The following METTL25 variants were observed in gnomAD, a reference collection of about 807,000 sequenced individuals.
METTL25 encodes probable methyltransferase-like protein 25.
A neutral mutation model predicts 71.6 loss-of-function variants in METTL25; 64 were observed. The ratio of observed to expected loss-of-function variants is 0.89; its 90% confidence interval spans 0.73 to 1.10. The LOEUF is 1.10. METTL25 is among the 50% of genes least tolerant of loss of function. The probability of loss-of-function intolerance (pLI) is 0.00; values close to 1 mark genes in which losing one functional copy is unlikely to be tolerated. For synonymous variants in METTL25, 287 were observed against 250.3 expected (o/e 1.15, Z -1.38); for missense variants, 807 against 707.0 (o/e 1.14, Z -1.60).
intron 5 of METTL25, among the ~76,000 whole-genome samples, chr12:82,429,376 GT>G (rs60688459): frequency 0.11 from 15,392 of 143,808 alleles, 778 homozygotes; most frequent in African/African-American, 0.16. Flanking sequence ...CAAATGTAGG[GT>G]TTTTTTTTTT....
At position 82,421,761 on chromosome 12, in the gene METTL25, A is replaced by G. The variant is rs144705527; in HGVS notation, c.1280-9132A>G. On this transcript the variant is annotated intron_variant, in intron 5 of 11. Coordinates refer to ENST00000248306, the MANE Select transcript of METTL25 (RefSeq NM_032230.3). ...ATACAAACTACCATCGGAGAATACT[A>G]TAAACACCTCTACTCAAATAAACTA... Among the ~76,000 whole-genome samples, 214 of 152,340 alleles carry G rather than the reference A, an allele frequency of 1.4e-3. 3 individuals are homozygous for G. Among genetic ancestry groups the G allele is most frequent in the Admixed American group, 0.013 (196 of 15,300 alleles).
chr12:82,422,002 A>C (rs924573512), intron 5 of METTL25, among the ~76,000 whole-genome samples: 1 of 152,192 alleles, frequency 6.6e-6, no homozygotes, highest in Non-Finnish European at 1.5e-5. Flanking sequence ...TTCTGAAACT[A>C]TTCCAATCAA....
At chr12:82,459,216 T>C (rs956861411) in intron 9 of METTL25, among the ~76,000 whole-genome samples, 1 of 151,880 alleles carries the variant, frequency 6.6e-6, no homozygotes, top group African/African-American at 2.4e-5. Context: ...CAATAATGAG[T>C]AATATACTAA....
intron 1 of METTL25, among the ~76,000 whole-genome samples, chr12:82,362,856 T>C (rs893453013): frequency 1.3e-5 from 2 of 152,200 alleles, no homozygotes; most frequent in African/African-American, 4.8e-5. Context: ...ATAACAATGA[T>C]GAAAACTGGC....
At chr12:82,397,333 T>C (rs1886169550) in intron 3 of METTL25, among the ~76,000 whole-genome samples, 1 of 152,140 alleles carries the variant, frequency 6.6e-6, no homozygotes. Flanking sequence ...ACTGGGTTAC[T>C]TGTCTTCTTA....
intron 9 of METTL25, among the ~76,000 whole-genome samples, chr12:82,462,340 C>T (rs1447108203): frequency 6.6e-6 from 1 of 152,090 alleles, no homozygotes; most frequent in Non-Finnish European, 1.5e-5. Context: ...TATTCTTTAA[C>T]AAATATTTCC....
At chr12:82,419,772 A>G (rs1300675036) in intron 5 of METTL25, among the ~76,000 whole-genome samples, 2 of 151,746 alleles carry the variant, frequency 1.3e-5, no homozygotes, top group Non-Finnish European at 2.9e-5. Context: ...AGGAATGTAA[A>G]TTGGTGCAGT....
At chr12:82,403,547 T>G (rs1282951918) in intron 5 of METTL25, among the ~76,000 whole-genome samples, 1 of 152,206 alleles carries the variant, frequency 6.6e-6, no homozygotes, top group Non-Finnish European at 1.5e-5. Context: ...ATACTGATAT[T>G]TAAAAAAGAA....
intron 5 of METTL25, among the ~76,000 whole-genome samples, chr12:82,418,701 G>A (rs1018745763): frequency 1.3e-5 from 2 of 152,132 alleles, no homozygotes; most frequent in Admixed American, 1.3e-4. Context: ...AAAAACTTGA[G>A]TTGCTTAATA....
chr12:82,391,752 C>T (rs1360577753), intron 3 of METTL25, among the ~76,000 whole-genome samples: 1 of 147,166 alleles, frequency 6.8e-6, no homozygotes, highest in Non-Finnish European at 1.5e-5. Context: ...GATATATACC[C>T]AGTAGTGGAA....
intron 5 of METTL25, among the ~76,000 whole-genome samples, chr12:82,416,511 A>C (rs1482783368): frequency 6.8e-6 from 1 of 146,188 alleles, no homozygotes; most frequent in Non-Finnish European, 1.5e-5. Flanking sequence ...TATCATGATC[A>C]TGGTTCACTG....
rs558057703 is a variant in METTL25 at position 82,432,284 on chromosome 12, T to C, written c.1374+1297T>C. Among the ~76,000 whole-genome samples the C allele has an allele frequency of 4.0e-5, 6 of 151,808 alleles. No individual in the cohort carries two copies. The South Asian group carries it at 8.3e-4, about 21-fold the overall frequency. On this transcript the variant is annotated intron_variant, in intron 6 of 11. Coordinates refer to ENST00000248306, the MANE Select transcript of METTL25 (RefSeq NM_032230.3). ...TTTATGCTAACATAATAATTTCCTT[T>C]GGTAGCCCCACTTAAATTACTTTTC...
At position 82,399,125 on chromosome 12, in the gene METTL25, A is replaced by C. The variant is rs1336373200; in HGVS notation, c.862A>C (p.Asn288His). ...LPDFSGSVIS[N>H]IRNQMETLHS... is the part of the protein sequence containing the mutation. The stretch of plus-strand genomic sequence containing the variant: ...TGATTTTTCTGGCTCTGTAATTTCT[A>C]ATATCAGAAACCAAATGGAAACCCT... The change falls in exon 4 of 12, where the codon AAT becomes CAT. Residue 288 changes from asparagine to histidine, a missense_variant. Physicochemically the swap from Asn to His is moderately conservative, Grantham distance 68. Coordinates refer to ENST00000248306, the MANE Select transcript of METTL25 (RefSeq NM_032230.3). 6.2e-7 allele frequency: 1 copy of C among 1,613,678 alleles called. No individual in the cohort carries two copies. Among genetic ancestry groups the C allele is most frequent in the Non-Finnish European group, 8.5e-7 (1 of 1,179,856 alleles).
At position 82,399,254 on chromosome 12, in the gene METTL25, AT is replaced by A. The variant is rs780327141; in HGVS notation, c.992del (p.Ile331AsnfsTer16). On this transcript the variant is annotated frameshift_variant, in exon 4 of 12. Coordinates refer to ENST00000248306, the MANE Select transcript of METTL25 (RefSeq NM_032230.3). LOFTEE classifies it high-confidence loss of function. ...TGTAGAGCCTACTTCTTCACAGCAA[AT>A]ACCCAACAGAGAAACATCTGAAGCC... ...NAVEPTSSQQ[I>X]PNRETSEANK... 1 of 1,613,758 alleles carries A rather than the reference AT, an allele frequency of 6.2e-7. No individual in the cohort carries two copies. The highest frequency in any genetic ancestry group is 8.5e-7 in the Non-Finnish European group (1 of 1,179,832).
Position 82,466,052 on chromosome 12 carries a change from AT to A in METTL25, c.1572+9238del, listed in dbSNP as rs757287900. On this transcript the variant is annotated intron_variant, in intron 9 of 11. Transcript: ENST00000248306. ...TTTTGTTTATCTTTTCAAAAAAACA[AT>A]TTTTTGTTTTGTTCTCTTTTTAATT... Among the ~76,000 whole-genome samples the A allele has an allele frequency of 2.7e-5, 4 of 150,508 alleles. No individual in the cohort carries two copies. The East Asian group carries it at 5.9e-4, about 22-fold the overall frequency.
intron 9 of METTL25, among the ~76,000 whole-genome samples, chr12:82,466,968 T>C (rs1476697704): frequency 2.6e-5 from 4 of 152,040 alleles, no homozygotes; most frequent in African/African-American, 9.7e-5. Context: ...TCTCAAAGTC[T>C]GGAGAGCCAT....
intron 1 of METTL25, among the ~76,000 whole-genome samples, chr12:82,380,554 A>T (rs888826387): frequency 2.6e-5 from 4 of 152,178 alleles, no homozygotes; most frequent in Non-Finnish European, 4.4e-5. Flanking sequence ...TATGAAATAG[A>T]TATTGTTCCC....
At position 82,392,081 on chromosome 12, in the gene METTL25, T is replaced by A. The variant is rs1368242469; in HGVS notation, c.531+2159T>A. 6.0e-5 allele frequency among the ~76,000 whole-genome samples: 9 copies of A among 150,584 alleles called. No homozygotes were observed. The East Asian group carries it at 1.7e-3, about 29-fold the overall frequency. On this transcript the variant is annotated intron_variant, in intron 3 of 11. Transcript: ENST00000248306. ...TTTGCCCATTTTTATTTTTTTATTT[T>A]TTATTTATTTATTTTTTATTTATTT...
At position 82,388,292 on chromosome 12, in the gene METTL25, C is replaced by A. The variant is rs367779501; in HGVS notation, c.424+1325C>A. ...AAAAGGACCCTTTTATCTTTGAGTCCAATTCTTTTATTATTATTTTAATTT... is the reference window on the plus strand; with the variant it reads ...AAAAGGACCCTTTTATCTTTGAGTCAAATTCTTTTATTATTATTTTAATTT... On this transcript the variant is annotated intron_variant, in intron 2 of 11. Coordinates refer to ENST00000248306, the MANE Select transcript of METTL25 (RefSeq NM_032230.3). 3.0e-4 allele frequency among the ~76,000 whole-genome samples: 45 copies of A among 152,026 alleles called. No individual in the cohort carries two copies. The South Asian group carries it at 9.4e-3, about 32-fold the overall frequency.
Sources: gnomAD v4.1 joint callset for allele counts (sites outside exome capture counted in the v4.1 genomes callset) on GRCh38, gnomAD v4.1.1 for gene constraint, MANE v1.5 for transcripts, NCBI Gene and HGNC (gene_info 2026-07-23, HGNC 2026-07-21) for gene names.